The following SEPTIN9 variants were observed in gnomAD, a reference collection of about 807,000 sequenced individuals.
SEPTIN9 encodes septin-9.
A neutral mutation model predicts 56.6 loss-of-function variants in SEPTIN9; 13 were observed. The ratio of observed to expected loss-of-function variants is 0.23; its 90% CI spans 0.15 to 0.37. SEPTIN9 has a LOEUF of 0.37. SEPTIN9 is among the 10% of genes least tolerant of loss of function. The probability of loss-of-function intolerance (pLI) is 1.00; values close to 1 mark genes in which losing one functional copy is unlikely to be tolerated. For missense variants in SEPTIN9, 650 were observed against 823.1 expected (o/e 0.79, Z 2.57); for synonymous variants, 332 against 334.1 (o/e 0.99, Z 0.07).
chr17:77,399,971 T>C (rs1325907733), intron 2 of SEPTIN9, among the ~76,000 whole-genome samples: 1 of 152,084 alleles, frequency 6.6e-6, no homozygotes, highest in Non-Finnish European at 1.5e-5. Context: ...CTGCGGTGTT[T>C]TATTTTATTT....
intron 3 of SEPTIN9, among the ~76,000 whole-genome samples, chr17:77,427,773 G>A (rs1437720521): frequency 6.6e-6 from 1 of 152,168 alleles, no homozygotes; most frequent in Admixed American, 6.5e-5. Context: ...GCCCATAGGG[G>A]CAGTCAGGCT....
intron 4 of SEPTIN9, chr17:77,482,797 C>G (rs2039513003): frequency 3.6e-6 from 2 of 548,296 alleles, no homozygotes; most frequent in Non-Finnish European, 6.5e-6. Context: ...TTCCACACCC[C>G]CTGGTGGCCC....
intron 1 of SEPTIN9, among the ~76,000 whole-genome samples, chr17:77,287,386 T>C (rs540373142): frequency 1.3e-5 from 2 of 152,340 alleles, no homozygotes; most frequent in East Asian, 3.9e-4. Flanking sequence ...TGGCCTGCTC[T>C]ACTGGAGCGG....
At chr17:77,289,175 C>A (rs567520082) in intron 1 of SEPTIN9, among the ~76,000 whole-genome samples, 1 of 152,208 alleles carries the variant, frequency 6.6e-6, no homozygotes, top group Non-Finnish European at 1.5e-5. Flanking sequence ...TGGCTCACTG[C>A]AACCTCTGCC....
At position 77,402,272 on chromosome 17, in the gene SEPTIN9, G is replaced by T; in HGVS notation, c.290G>T (p.Gly97Val). The T allele has an allele frequency of 1.2e-6, 2 of 1,612,056 alleles. No individual in the cohort carries two copies. Among genetic ancestry groups the T allele is most frequent in the Non-Finnish European group, 1.7e-6 (2 of 1,179,710 alleles). The change falls in exon 3 of 12, where the codon GGC (glycine) becomes GTC (valine). Residue 97 changes from glycine (G) to valine (V), a missense_variant. Gly to Val is a moderately radical substitution (Grantham distance 109). Coordinates refer to ENST00000427177, the MANE Select transcript of SEPTIN9 (RefSeq NM_001113491.2). The surrounding 1 kb of genome is among the most constrained non-coding windows in gnomAD (Gnocchi z 6.6). Reference sequence around the variant, plus strand: ...TCCCTGCGGAGGGTGGAGCTCTCGGGCCCCAAGGCGGCCGAGCCGGTGTCC... The same window carrying T: ...TCCCTGCGGAGGGTGGAGCTCTCGGTCCCCAAGGCGGCCGAGCCGGTGTCC... ...KASLRRVELS[G>V]PKAAEPVSRR...
rs1568019435 is a variant in SEPTIN9 at position 77,371,686 on chromosome 17, G to A, written c.77-30373G>A. Among the ~76,000 whole-genome samples, 2 of 152,158 alleles carry A rather than the reference G, an allele frequency of 1.3e-5. No individual in the cohort carries two copies. The highest frequency in any genetic ancestry group is 3.9e-4 in the East Asian group (2 of 5,184). ...ACAAGACATACCCTGGCCTGGCGTG[G>A]AAGATACGGGGTGCTATTAATGGCA... On this transcript the variant is annotated intron_variant, in intron 2 of 11. Coordinates refer to ENST00000427177, the MANE Select transcript of SEPTIN9 (RefSeq NM_001113491.2). The surrounding 1 kb of genome is among the most constrained non-coding windows in gnomAD (Gnocchi z 4.1).
At chr17:77,458,028 G>T in intron 3 of SEPTIN9, among the ~76,000 whole-genome samples, 1 of 152,218 alleles carries the variant, frequency 6.6e-6, no homozygotes, top group Non-Finnish European at 1.5e-5. Flanking sequence ...CTGAAGGGGG[G>T]CTGGATTTTC....
intron 2 of SEPTIN9, among the ~76,000 whole-genome samples, chr17:77,320,855 C>T (rs947285177): frequency 1.3e-5 from 2 of 152,252 alleles, no homozygotes; most frequent in Non-Finnish European, 2.9e-5. Flanking sequence ...GCTCCCGGCG[C>T]TCAGAGGAGC....
At chr17:77,483,073 CGGGGTCCAGGGA>C (rs2039526065) in intron 4 of SEPTIN9, 1 of 157,164 alleles carries the variant, frequency 6.4e-6, no homozygotes, top group Admixed American at 6.0e-5. Flanking sequence ...GCCCACTCCA[CGGGGTCCAGGGA>C]GGGGTCTGGG....
chr17:77,311,590 T>C (rs1379610888), intron 2 of SEPTIN9, among the ~76,000 whole-genome samples: 1 of 152,142 alleles, frequency 6.6e-6, no homozygotes, highest in African/African-American at 2.4e-5. Flanking sequence ...CTCCACCTGG[T>C]GAATCAGAGC....
At chr17:77,431,055 A>C (rs999075199) in intron 3 of SEPTIN9, among the ~76,000 whole-genome samples, 2 of 151,740 alleles carry the variant, frequency 1.3e-5, no homozygotes, top group African/African-American at 4.8e-5. Context: ...ATTGAAAAGC[A>C]ATCTTTGCTG....
chr17:77,424,088 C>T (rs998648791), intron 3 of SEPTIN9, among the ~76,000 whole-genome samples: 1 of 152,262 alleles, frequency 6.6e-6, no homozygotes, highest in Non-Finnish European at 1.5e-5. Context: ...ATTAATATTT[C>T]ATGAATCATA....
chr17:77,454,467 T>G, intron 3 of SEPTIN9: 1 of 762,482 alleles, frequency 1.3e-6, no homozygotes, highest in South Asian at 5.9e-5. Flanking sequence ...TGAGTTTGTT[T>G]GATGAGGAAT....
intron 2 of SEPTIN9, among the ~76,000 whole-genome samples, chr17:77,362,762 T>C (rs1186605685): frequency 1.3e-5 from 2 of 152,200 alleles, no homozygotes; most frequent in Non-Finnish European, 2.9e-5. Flanking sequence ...ACTAACTCAG[T>C]AAGGCCTGAG....
At chr17:77,381,718 TG>T (rs2143969673) in intron 2 of SEPTIN9, among the ~76,000 whole-genome samples, 1 of 152,364 alleles carries the variant, frequency 6.6e-6, no homozygotes, top group South Asian at 2.1e-4. Context: ...TGGTGCAGAC[TG>T]CACGGTGAGA....
At chr17:77,299,907 G>T (rs1034812128) in intron 1 of SEPTIN9, among the ~76,000 whole-genome samples, 2 of 152,200 alleles carry the variant, frequency 1.3e-5, no homozygotes, top group Non-Finnish European at 2.9e-5. Flanking sequence ...GCCTTCTTTG[G>T]CTTTTGGCTC....
rs1889311326 is a variant in SEPTIN9 at position 77,475,264 on chromosome 17, G to A, written c.722-6880G>A. On this transcript the variant is annotated intron_variant, in intron 3 of 11. Transcript: ENST00000427177. This position sits in a 1 kb window ranked among gnomAD's most constrained non-coding sequence, Gnocchi z 4.6. ...ATTCAGTTACCATCGTGGGGAGACT[G>A]TCTGGACGCAGAGAGCAGGCTCTGT... is the stretch of plus-strand genomic sequence containing the variant. 2 of 1,390,526 alleles carry A rather than the reference G, an allele frequency of 1.4e-6. No homozygotes were observed. Among genetic ancestry groups the A allele is most frequent in the Middle Eastern group, 2.7e-4 (1 of 3,720 alleles). 86.1% of individuals were successfully genotyped at this position (1,390,526 alleles called of 1,614,324 possible). A position where few individuals can be genotyped will look rare whatever the true frequency, so the allele number is the denominator to read the frequency against.
chr17:77,419,671 CGT>C (rs2036628125), intron 3 of SEPTIN9: 1 of 151,768 alleles, frequency 6.6e-6, no homozygotes, highest in Admixed American at 6.6e-5. Context: ...TGCCTTAGGC[CGT>C]GCCGGCACCT....
chr17:77,291,586 C>G (rs2031555991), intron 1 of SEPTIN9, among the ~76,000 whole-genome samples: 1 of 151,994 alleles, frequency 6.6e-6, no homozygotes, highest in South Asian at 2.1e-4. Flanking sequence ...GAGCTGAGAT[C>G]GTGCCACGGC....
Sources: allele counts gnomAD v4.1 joint callset (sites outside exome capture counted in the v4.1 genomes callset), GRCh38; gene constraint gnomAD v4.1.1; non-coding constraint Gnocchi (gnomAD v3.1); transcripts MANE v1.5; gene names NCBI Gene and HGNC (gene_info 2026-07-23, HGNC 2026-07-21).